Variants in PIWIL1 observed in about 807,000 individuals in gnomAD.
PIWIL1 encodes the protein piwi like RNA-mediated gene silencing 1.
PIWIL1 carries 73 observed loss-of-function variants against 114.4 expected under a neutral mutation model. The ratio of observed to expected loss-of-function variants is 0.64; its 90% CI spans 0.53 to 0.78. The LOEUF (loss-of-function observed/expected upper bound fraction) is 0.78. Among genes scored for constraint, PIWIL1 ranks in the 30% least tolerant of loss-of-function variants. The pLI, the probability that PIWIL1 is intolerant of heterozygous loss-of-function variation, is 0.00. For missense variants in PIWIL1, 723 were observed against 1,063.1 expected, an observed-to-expected ratio of 0.68 and a Z score of 4.45; for synonymous variants, 375 against 369.0, an observed-to-expected ratio of 1.02 and a Z score of -0.19.
At chr12:130,341,603 G>GACTGCTCAC (rs1248851115) in intron 1 of PIWIL1, among the ~76,000 whole-genome samples, 1 of 152,196 alleles carries the variant, frequency 6.6e-6, no homozygotes. Context: ...AATGTTTGTT[G>GACTGCTCAC]ACTGCTCACT....
intron 19 of PIWIL1, among the ~76,000 whole-genome samples, chr12:130,367,931 G>A (rs947107865): frequency 2.6e-5 from 4 of 152,106 alleles, no homozygotes; most frequent in Admixed American, 6.5e-5. Context: ...CTGAATAGCC[G>A]GAATTACAGG....
At chr12:130,351,909 A>T (rs2073223299) in intron 9 of PIWIL1, among the ~76,000 whole-genome samples, 2 of 152,086 alleles carry the variant, frequency 1.3e-5, no homozygotes, top group South Asian at 2.1e-4. Context: ...GTGATGTGGC[A>T]CCCGTGGCCC....
intron 17 of PIWIL1, 43 bp downstream of exon 17, chr12:130,362,879 G>A (rs775039266): frequency 1.1e-5 from 17 of 1,610,754 alleles, no homozygotes; most frequent in Non-Finnish European, 1.4e-5. Flanking sequence ...CTAAACTGGG[G>A]TCTTCCAGAA....
intron 1 of PIWIL1, chr12:130,339,822 C>T (rs1478562208): frequency 1.3e-5 from 2 of 152,218 alleles, no homozygotes. Flanking sequence ...GCTCCCCACC[C>T]CGTAATTTCT....
intron 14 of PIWIL1, 90 bp from the exon 15 acceptor site, chr12:130,361,090 A>T: frequency 9.7e-7 from 1 of 1,027,904 alleles, no homozygotes; most frequent in Non-Finnish European, 1.5e-6. Flanking sequence ...TGACATTGAT[A>T]CTTCACAGGT....
At chr12:130,374,356 G>C (rs2073850206), downstream of PIWIL1, among the ~76,000 whole-genome samples, 1 of 152,196 alleles carries the variant, frequency 6.6e-6, no homozygotes, top group South Asian at 2.1e-4. Context: ...CTTAAAGTTT[G>C]TGTAATTGGT....
chr12:130,385,441 G>A, the PIWIL1 span, among the ~76,000 whole-genome samples: 183 of 152,192 alleles, frequency 1.2e-3, no homozygotes, highest in South Asian at 3.9e-3. Context: ...CCTGATTTTA[G>A]TAACTCTTTA....
the PIWIL1 span, among the ~76,000 whole-genome samples, chr12:130,391,901 G>A: frequency 4.1e-5 from 6 of 147,280 alleles, no homozygotes; most frequent in African/African-American, 1.5e-4. Flanking sequence ...CCTCACATGC[G>A]TGCGTCAGTG....
chr12:130,364,117 T>G (rs1315630165), intron 18 of PIWIL1, among the ~76,000 whole-genome samples: 2 of 152,188 alleles, frequency 1.3e-5, no homozygotes, highest in African/African-American at 4.8e-5. Flanking sequence ...GTCCTCTTTA[T>G]CAGATCTGTG....
chr12:130,352,342 A>G (rs1055479264), intron 9 of PIWIL1, among the ~76,000 whole-genome samples: 1 of 152,118 alleles, frequency 6.6e-6, no homozygotes, highest in Non-Finnish European at 1.5e-5. Context: ...GTCTAATAAA[A>G]ATGAGAGTGC....
At chr12:130,378,938 G>A in the PIWIL1 span, among the ~76,000 whole-genome samples, 1 of 152,194 alleles carries the variant, frequency 6.6e-6, no homozygotes, top group Non-Finnish European at 1.5e-5. Context: ...AAGAGAAGAT[G>A]TTTGTACAAC....
chr12:130,373,263 C>T (rs1273030614), downstream of PIWIL1, among the ~76,000 whole-genome samples: 1 of 152,146 alleles, frequency 6.6e-6, no homozygotes, highest in Admixed American at 6.5e-5. Flanking sequence ...ATAAGGAAGT[C>T]TAATCATACG....
At chr12:130,384,575 G>A in the PIWIL1 span, among the ~76,000 whole-genome samples, 1 of 152,232 alleles carries the variant, frequency 6.6e-6, no homozygotes, top group South Asian at 2.1e-4. Flanking sequence ...GAAGTCCAAA[G>A]TCAGGAGCTT....
chr12:130,339,130 G>T (rs1341089511), intron 1 of PIWIL1, among the ~76,000 whole-genome samples: 1 of 152,116 alleles, frequency 6.6e-6, no homozygotes, highest in Non-Finnish European at 1.5e-5. Context: ...GGAGCCGGAC[G>T]TTGGGAAGAG....
intron 9 of PIWIL1, chr12:130,351,322 A>G (rs1299536078): frequency 6.6e-6 from 1 of 152,120 alleles, no homozygotes; most frequent in East Asian, 1.9e-4. Flanking sequence ...TATCATACTT[A>G]GGAGCTCTGC....
Position 130,349,312 on chromosome 12 carries a change from A to T in PIWIL1, c.808A>T (p.Ser270Cys). Residue 270 changes from serine (S) to cysteine (C), a missense_variant, in exon 8 of 21, where the codon AGC becomes TGC. Transcript: ENST00000245255. ...ENSIMLCTDVSHKVLRSETVL... is the reference protein window; with the variant it reads ...ENSIMLCTDVCHKVLRSETVL... ...CAGCATCATGCTCTGCACTGACGTTAGCCATAAAGTCCTTCGAAGTGAGAC... is the reference window on the plus strand; with the variant it reads ...CAGCATCATGCTCTGCACTGACGTTTGCCATAAAGTCCTTCGAAGTGAGAC... 1 of 1,614,066 alleles carries T rather than the reference A, an allele frequency of 6.2e-7. No individual in the cohort carries two copies.
chr12:130,385,157 G>C, the PIWIL1 span, among the ~76,000 whole-genome samples: 1 of 152,140 alleles, frequency 6.6e-6, no homozygotes, highest in Non-Finnish European at 1.5e-5. Context: ...TAGTTAGTTG[G>C]CTTGGTGATG....
the PIWIL1 span, among the ~76,000 whole-genome samples, chr12:130,411,319 A>C: frequency 0.77 from 117,022 of 151,964 alleles, 45,208 homozygotes; most frequent in South Asian, 0.9. Flanking sequence ...GTATTCCTTC[A>C]TTTCCAGTCT....
intron 1 of PIWIL1, chr12:130,339,348 C>T (rs2136114536): frequency 6.6e-6 from 1 of 152,382 alleles, no homozygotes; most frequent in Middle Eastern, 3.4e-3. Flanking sequence ...CCCTGCGCAG[C>T]CTGTTCTCTG....
Sources: allele counts gnomAD v4.1 joint callset (sites outside exome capture counted in the v4.1 genomes callset), GRCh38; gene constraint gnomAD v4.1.1; transcripts MANE v1.5; gene names NCBI Gene and HGNC (gene_info 2026-07-23, HGNC 2026-07-21).